PLCXD3: variants seen among roughly 807,000 people sequenced by gnomAD.
PLCXD3 encodes the protein phosphatidylinositol specific phospholipase C X domain containing 3, also known as PI-PLC X domain-containing protein 3.
PLCXD3 carries 19 observed loss-of-function variants against 25.5 expected under a neutral mutation model. The ratio of observed to expected loss-of-function variants is 0.75; its 90% CI spans 0.52 to 1.09. The LOEUF (loss-of-function observed/expected upper bound fraction) is 1.09. Among genes scored for constraint, PLCXD3 ranks in the 50% least tolerant of loss-of-function variants. PLCXD3 has a pLI of 0.00. For missense variants in PLCXD3, 411 were observed against 388.1 expected, an observed-to-expected ratio of 1.06 and a Z score of -0.50; for synonymous variants, 174 against 137.6, an observed-to-expected ratio of 1.26 and a Z score of -1.85.
chr5:41,492,416 G>C (rs10223274), intron 1 of PLCXD3, among the ~76,000 whole-genome samples: 2,295 of 151,966 alleles, frequency 0.015, 49 homozygotes, highest in African/African-American at 0.053. Context: ...ATGTGTCTTG[G>C]AGTTGCTCTT....
chr5:41,375,275 C>T (rs1403942204), intron 2 of PLCXD3, among the ~76,000 whole-genome samples: 1 of 152,120 alleles, frequency 6.6e-6, no homozygotes, highest in Non-Finnish European at 1.5e-5. Context: ...GGCCCCAGGG[C>T]ACCATGCAGT....
At chr5:41,347,238 G>A (rs1744327339) in intron 2 of PLCXD3, among the ~76,000 whole-genome samples, 1 of 152,054 alleles carries the variant, frequency 6.6e-6, no homozygotes, top group Non-Finnish European at 1.5e-5. Context: ...GATATTTTAG[G>A]ATTTTCCAAA....
intron 1 of PLCXD3, among the ~76,000 whole-genome samples, chr5:41,423,382 T>C (rs981088038): frequency 2.0e-5 from 3 of 152,064 alleles, no homozygotes; most frequent in African/African-American, 7.2e-5. Flanking sequence ...AAGTTCTATT[T>C]TTTAAAAATA....
At position 41,504,344 on chromosome 5, in the gene PLCXD3, T is replaced by C. The variant is rs375046626; in HGVS notation, c.103+6080A>G. ...CTAACATTGAGCATAATGCAGAGTA[T>C]AGGATAAAATTTGTCCCACATATTT... On this transcript the variant is annotated intron_variant, in intron 1 of 2. Transcript: ENST00000377801. Among the ~76,000 whole-genome samples, 303 of 152,306 alleles carry C rather than the reference T, an allele frequency of 2.0e-3. 1 individual carries two copies. The highest frequency in any genetic ancestry group is 6.7e-3 in the African/African-American group (280 of 41,572).
chr5:41,331,612 C>T (rs1336733732), intron 2 of PLCXD3, among the ~76,000 whole-genome samples: 1 of 152,036 alleles, frequency 6.6e-6, no homozygotes, highest in East Asian at 1.9e-4. Context: ...CATATGGAAC[C>T]AAAAAAGAGC....
At chr5:41,451,786 A>ACTTTTTTG (rs1747638313) in intron 1 of PLCXD3, among the ~76,000 whole-genome samples, 1 of 151,948 alleles carries the variant, frequency 6.6e-6, no homozygotes, top group Non-Finnish European at 1.5e-5. Flanking sequence ...CACATTTGTC[A>ACTTTTTTG]CTTTTTTGCT....
chr5:41,382,273 T>G lies in PLCXD3; in HGVS notation c.365A>C (p.Asn122Thr), dbSNP rs1218707125. ...TGCATTGATCTCCTCAAGGCCTTCA[T>G]TGACTTTGGCACTGAACAAACCATG... ...FAHGLFSAKV[N>T]EGLEEINAFL... is the part of the protein sequence containing the mutation. The change falls in exon 2 of 3, where the codon AAT (asparagine) becomes ACT (threonine). Residue 122 changes from asparagine to threonine, a missense_variant. Physicochemically the swap from Asn to Thr is moderately conservative, Grantham distance 65 (BLOSUM62 0). Coordinates refer to ENST00000377801, the MANE Select transcript of PLCXD3 (RefSeq NM_001005473.3). 1.2e-6 allele frequency: 2 copies of G among 1,613,708 alleles called. No homozygotes were observed. Among genetic ancestry groups the G allele is most frequent in the East Asian group, 4.5e-5 (2 of 44,836 alleles).
intron 1 of PLCXD3, among the ~76,000 whole-genome samples, chr5:41,442,827 GTTC>G (rs1258848819): frequency 1.3e-5 from 2 of 151,802 alleles, no homozygotes; most frequent in Admixed American, 6.6e-5. Flanking sequence ...TGTCTTCCTT[GTTC>G]TTCTTCCTCT....
intron 1 of PLCXD3, among the ~76,000 whole-genome samples, chr5:41,393,189 A>G (rs1745886652): frequency 6.6e-6 from 1 of 152,208 alleles, no homozygotes; most frequent in Non-Finnish European, 1.5e-5. Flanking sequence ...ACTTAGAGAA[A>G]GATATCAACA....
Position 41,488,869 on chromosome 5 carries a change from T to C in PLCXD3, c.103+21555A>G, listed in dbSNP as rs1291492727. Among the ~76,000 whole-genome samples, 42 of 150,728 alleles carry C rather than the reference T, an allele frequency of 2.8e-4. 1 individual carries two copies. The highest frequency in any genetic ancestry group is 9.5e-4 in the African/African-American group (39 of 40,974). ...AGTAGGTTGTGAAAATTTTCTCCCA[T>C]TTTGTAGGTTGCCTGTTCACTCTGA... On this transcript the variant is annotated intron_variant, in intron 1 of 2. Coordinates refer to ENST00000377801, the MANE Select transcript of PLCXD3 (RefSeq NM_001005473.3).
At chr5:41,472,115 C>T (rs1453962629) in intron 1 of PLCXD3, among the ~76,000 whole-genome samples, 1 of 151,372 alleles carries the variant, frequency 6.6e-6, no homozygotes, top group African/African-American at 2.4e-5. Context: ...GGATATATTT[C>T]CTACCTAAAA....
chr5:41,492,585 A>T (rs1475368961), intron 1 of PLCXD3, among the ~76,000 whole-genome samples: 48 of 152,162 alleles, frequency 3.2e-4, no homozygotes, highest in Non-Finnish European at 1.6e-4. Context: ...TCAGACGTAG[A>T]TTTGATCTTT....
At chr5:41,476,310 C>T (rs1261910548) in intron 1 of PLCXD3, among the ~76,000 whole-genome samples, 2 of 152,180 alleles carry the variant, frequency 1.3e-5, no homozygotes, top group African/African-American at 4.8e-5. Context: ...CATCTAAAAA[C>T]TTGAATTTCA....
intron 1 of PLCXD3, among the ~76,000 whole-genome samples, chr5:41,457,475 T>C (rs1421856692): frequency 6.6e-6 from 1 of 151,872 alleles, no homozygotes; most frequent in East Asian, 1.9e-4. Flanking sequence ...CTCAGATGAT[T>C]GGAACCCAGG....
chr5:41,426,057 T>C (rs764535082), intron 1 of PLCXD3, among the ~76,000 whole-genome samples: 1 of 152,170 alleles, frequency 6.6e-6, no homozygotes, highest in Non-Finnish European at 1.5e-5. Context: ...GCTGTTCCAT[T>C]TTACATTCCC....
intron 1 of PLCXD3, among the ~76,000 whole-genome samples, chr5:41,406,646 T>G (rs953251511): frequency 6.6e-6 from 1 of 152,170 alleles, no homozygotes; most frequent in South Asian, 2.1e-4. Context: ...TGTTTTGTTC[T>G]CTTCCATTCC....
chr5:41,500,476 A>G (rs183138968), intron 1 of PLCXD3, among the ~76,000 whole-genome samples: 43 of 151,986 alleles, frequency 2.8e-4, no homozygotes, highest in African/African-American at 9.9e-4. Flanking sequence ...GGTACAATGT[A>G]TATTATTTGA....
At chr5:41,370,913 G>T (rs1233753207) in intron 2 of PLCXD3, among the ~76,000 whole-genome samples, 1 of 152,096 alleles carries the variant, frequency 6.6e-6, no homozygotes, top group Admixed American at 6.6e-5. Flanking sequence ...CCTTTACAAA[G>T]AACTATGTTC....
chr5:41,401,533 T>A (rs894868249), intron 1 of PLCXD3, among the ~76,000 whole-genome samples: 5 of 152,102 alleles, frequency 3.3e-5, no homozygotes, highest in Non-Finnish European at 7.4e-5. Context: ...CTGGAATATC[T>A]AATTAGTTTC....
Sources: gnomAD v4.1 joint callset for allele counts (sites outside exome capture counted in the v4.1 genomes callset) on GRCh38, gnomAD v4.1.1 for gene constraint, MANE v1.5 for transcripts, NCBI Gene and HGNC (gene_info 2026-07-23, HGNC 2026-07-21) for gene names.